OSTN: variants seen among roughly 807,000 people sequenced by gnomAD.
OSTN encodes osteocrin.
OSTN carries 9 observed loss-of-function variants against 12.0 expected under a neutral mutation model. The observed-to-expected ratio is 0.75, with a 90% CI of 0.45 to 1.30. The LOEUF (loss-of-function observed/expected upper bound fraction) is 1.30, where lower values mean the gene tolerates loss of function less well. Among genes scored for constraint, OSTN ranks in the 50% most tolerant of loss-of-function variants. The pLI is 0.00. For synonymous variants in OSTN, 59 were observed against 56.9 expected, an observed-to-expected ratio of 1.04 and a Z score of -0.16; for missense variants, 148 against 152.3, an observed-to-expected ratio of 0.97 and a Z score of 0.15.
rs1052907038 is a variant in OSTN, at chr3:191,232,360, A to C, written c.317+13399A>C. On this transcript the variant is annotated intron_variant, in intron 3 of 4. Coordinates refer to ENST00000682035, the MANE Select transcript of OSTN (RefSeq NM_198184.2). ...AAAAAAAAAAAAAAAAAAAAAAAAA[A>C]ATTGTTGTAACTAGTGCAGAACATA... Among the ~76,000 whole-genome samples, 5 of 146,724 alleles carry C rather than the reference A, an allele frequency of 3.4e-5. No homozygotes were observed. In the East Asian group the frequency reaches 7.8e-4, roughly 23 times the overall value.
rs183867158 is a variant in OSTN, at chr3:191,218,970, A to G, written c.317+9A>G. 6.3e-7 allele frequency: 1 copy of G among 1,588,684 alleles called. No individual in the cohort carries two copies. Among genetic ancestry groups the G allele is most frequent in the African/African-American group, 1.4e-5 (1 of 73,540 alleles). ...CACAAAGGTAAACAGAGGTAAGTGA[A>G]CTCAGAAAAAGAAAGTTTTTATTTT... On this transcript the variant is annotated intron_variant, in intron 3 of 4. Coordinates refer to ENST00000682035, the MANE Select transcript of OSTN (RefSeq NM_198184.2).
intron 3 of OSTN, among the ~76,000 whole-genome samples, chr3:191,229,226 G>A (rs1349497693): frequency 6.6e-6 from 1 of 152,196 alleles, no homozygotes; most frequent in Non-Finnish European, 1.5e-5. Flanking sequence ...GAAGACTAAA[G>A]TAGAGGGATT....
intron 3 of OSTN, among the ~76,000 whole-genome samples, chr3:191,225,816 G>T (rs983103303): frequency 6.6e-6 from 1 of 151,958 alleles, no homozygotes; most frequent in Admixed American, 6.6e-5. Context: ...AGACCCTGGA[G>T]GCTACAAAAG....
rs766522761 is a variant in OSTN, at chr3:191,238,019, TTTTC to T, written c.318-12012_318-12009del. The stretch of plus-strand genomic sequence containing the variant: ...TTAAGGTAAAAAGTCTAACATTTTA[TTTTC>T]TTTCTAATTTGTTGTGAAGAAATGC... On this transcript the variant is annotated intron_variant, in intron 3 of 4. Transcript: ENST00000682035. 9.2e-5 allele frequency among the ~76,000 whole-genome samples: 14 copies of T among 152,268 alleles called. No homozygotes were observed. The South Asian group carries it at 2.5e-3, about 27-fold the overall frequency.
chr3:191,252,884 T>C (rs1386885316), intron 4 of OSTN, among the ~76,000 whole-genome samples: 1 of 152,218 alleles, frequency 6.6e-6, no homozygotes, highest in African/African-American at 2.4e-5. Flanking sequence ...AGCTTAAAAG[T>C]CATTAAATAC....
At chr3:191,203,796 TC>T (rs1714206643) in intron 1 of OSTN, among the ~76,000 whole-genome samples, 1 of 152,248 alleles carries the variant, frequency 6.6e-6, no homozygotes, top group Non-Finnish European at 1.5e-5. Context: ...TTCTGGCTCT[TC>T]TTCTAACTGG....
chr3:191,229,288 T>C (rs1714990398), intron 3 of OSTN, among the ~76,000 whole-genome samples: 1 of 152,210 alleles, frequency 6.6e-6, no homozygotes, highest in Admixed American at 6.5e-5. Context: ...ATAATCCTTT[T>C]AAAAATTAAT....
chr3:191,255,280 T>C (rs991938027), intron 4 of OSTN, among the ~76,000 whole-genome samples: 1 of 152,216 alleles, frequency 6.6e-6, no homozygotes, highest in African/African-American at 2.4e-5. Flanking sequence ...CACCTCCTGC[T>C]GTGTGGCTCA....
At chr3:191,257,129 C>T (rs545606882) in intron 4 of OSTN, among the ~76,000 whole-genome samples, 196 of 135,228 alleles carry the variant, frequency 1.4e-3, no homozygotes, top group African/African-American at 4.7e-3. Context: ...AAGGCTGCAA[C>T]GAGCCATGAT....
chr3:191,200,589 C>G (rs1227144647), intron 1 of OSTN, among the ~76,000 whole-genome samples: 1 of 152,026 alleles, frequency 6.6e-6, no homozygotes, highest in Non-Finnish European at 1.5e-5. Context: ...ACCTATACAA[C>G]TGCAGGCAAG....
chr3:191,255,917 T>C (rs1715660634), intron 4 of OSTN, among the ~76,000 whole-genome samples: 1 of 152,062 alleles, frequency 6.6e-6, no homozygotes, highest in Non-Finnish European at 1.5e-5. Context: ...CCTAATCAAA[T>C]TGTATAATCT....
At chr3:191,223,434 A>G (rs1394470147) in intron 3 of OSTN, among the ~76,000 whole-genome samples, 1 of 152,254 alleles carries the variant, frequency 6.6e-6, no homozygotes, top group Non-Finnish European at 1.5e-5. Context: ...TGGTAGCAAG[A>G]AAGAGAATGT....
chr3:191,261,644 G>C (rs1376885768), intron 4 of OSTN, among the ~76,000 whole-genome samples: 1 of 152,120 alleles, frequency 6.6e-6, no homozygotes, highest in Non-Finnish European at 1.5e-5. Context: ...AGTATATTTT[G>C]GGTAAAATAT....
chr3:191,265,292 A>G lies in OSTN; in HGVS notation c.*2439A>G, dbSNP rs1464100345. 1.3e-5 allele frequency: 2 copies of G among 152,210 alleles called. No homozygotes were observed. Among genetic ancestry groups the G allele is most frequent in the Admixed American group, 6.5e-5 (1 of 15,282 alleles). The allele number at this position is 152,210 out of a possible 1,614,324, so 9.4% of individuals were successfully genotyped here. ...TTTGCTTCTGTATGAACCTTTATAG[A>G]GCAAATGAATATATGTATATGGAGT... On this transcript the variant is annotated 3_prime_UTR_variant, in exon 5 of 5. Coordinates refer to ENST00000682035, the MANE Select transcript of OSTN (RefSeq NM_198184.2).
chr3:191,246,800 T>G (rs753116749), intron 3 of OSTN, among the ~76,000 whole-genome samples: 4 of 151,354 alleles, frequency 2.6e-5, no homozygotes, highest in Non-Finnish European at 4.4e-5. Context: ...CAGCATTCCT[T>G]GATTCATTAT....
intron 3 of OSTN, among the ~76,000 whole-genome samples, chr3:191,244,108 AGCATAGACAAAT>A (rs1390762885): frequency 6.6e-6 from 1 of 152,100 alleles, no homozygotes; most frequent in African/African-American, 2.4e-5. Context: ...CTTTAAATTG[AGCATAGACAAAT>A]GTATAGGTTC....
chr3:191,208,271 C>G (rs1247814892), intron 1 of OSTN, among the ~76,000 whole-genome samples: 1 of 152,126 alleles, frequency 6.6e-6, no homozygotes, highest in Non-Finnish European at 1.5e-5. Context: ...CTATATTTAT[C>G]CACTATCAAC....
At chr3:191,202,346 A>T (rs973831259) in intron 1 of OSTN, among the ~76,000 whole-genome samples, 1 of 152,220 alleles carries the variant, frequency 6.6e-6, no homozygotes, top group African/African-American at 2.4e-5. Flanking sequence ...GCAGAAGGAA[A>T]TCCCTAGACA....
At chr3:191,205,587 T>A (rs1377442299) in intron 1 of OSTN, among the ~76,000 whole-genome samples, 1 of 149,842 alleles carries the variant, frequency 6.7e-6, no homozygotes, top group African/African-American at 2.5e-5. Context: ...AAAATTAAGA[T>A]CATGATTACT....
Sources: allele counts gnomAD v4.1 joint callset (sites outside exome capture counted in the v4.1 genomes callset), GRCh38; gene constraint gnomAD v4.1.1; transcripts MANE v1.5; gene names NCBI Gene and HGNC (gene_info 2026-07-23, HGNC 2026-07-21).